Variants in RPH3A observed in about 807,000 individuals in gnomAD.
The protein encoded by RPH3A is rabphilin 3A.
RPH3A carries 48 observed loss-of-function variants against 102.2 expected under a neutral mutation model. The ratio of observed to expected loss-of-function variants is 0.47; its 90% CI spans 0.37 to 0.60. The LOEUF (loss-of-function observed/expected upper bound fraction) is 0.60. RPH3A is among the 20% of genes least tolerant of loss of function. The probability of loss-of-function intolerance (pLI) is 0.00; values close to 1 mark genes in which losing one functional copy is unlikely to be tolerated. For synonymous variants in RPH3A, 310 were observed against 324.3 expected (o/e 0.96, Z 0.47); for missense variants, 781 against 910.1 (o/e 0.86, Z 1.83).
chr12:112,724,563 G>A (rs75104745), intron 1 of RPH3A, among the ~76,000 whole-genome samples: 6,640 of 152,242 alleles, frequency 0.044, 261 homozygotes, highest in South Asian at 0.17. Context: ...CAGGCTCAGC[G>A]ATATCAAATG....
chr12:112,835,101 A>T (rs2042026371), intron 3 of RPH3A, among the ~76,000 whole-genome samples: 1 of 152,164 alleles, frequency 6.6e-6, no homozygotes, highest in South Asian at 2.1e-4. Context: ...TAGTCCACCC[A>T]TATACTCCAC....
intron 1 of RPH3A, among the ~76,000 whole-genome samples, chr12:112,614,391 A>G (rs1447428197): frequency 6.6e-6 from 1 of 151,704 alleles, no homozygotes; most frequent in African/African-American, 2.4e-5. Context: ...TGCATATAAG[A>G]TCCTTTGTGG....
At chr12:112,805,487 A>G (rs1295470576) in intron 2 of RPH3A, among the ~76,000 whole-genome samples, 1 of 152,202 alleles carries the variant, frequency 6.6e-6, no homozygotes, top group Non-Finnish European at 1.5e-5. Context: ...TGCCTGGGAA[A>G]TGGGCTTGAG....
At chr12:112,777,222 T>A (rs1351562290) in intron 1 of RPH3A, among the ~76,000 whole-genome samples, 1 of 152,190 alleles carries the variant, frequency 6.6e-6, no homozygotes, top group African/African-American at 2.4e-5. Context: ...CGAGTCAGGT[T>A]TACAGGAGGC....
intron 1 of RPH3A, among the ~76,000 whole-genome samples, chr12:112,584,902 C>T (rs2039427122): frequency 6.6e-6 from 1 of 152,096 alleles, no homozygotes; most frequent in South Asian, 2.1e-4. Context: ...CTCACACTAT[C>T]ACAAGGTGAA....
intron 5 of RPH3A, among the ~76,000 whole-genome samples, chr12:112,857,399 T>C (rs1230523218): frequency 1.3e-5 from 2 of 152,232 alleles, no homozygotes; most frequent in East Asian, 1.9e-4. Context: ...AATCTTGAGA[T>C]GGGGAGATTA....
chr12:112,895,738 G>C, intron 20 of RPH3A, 39 bp from the exon 21 acceptor site: 1 of 1,450,546 alleles, frequency 6.9e-7, no homozygotes. Flanking sequence ...TGTGGGTTCA[G>C]AGGGCTCTTA....
At chr12:112,631,668 A>G (rs144163231) in intron 1 of RPH3A, among the ~76,000 whole-genome samples, 3 of 151,920 alleles carry the variant, frequency 2.0e-5, no homozygotes, top group Non-Finnish European at 4.4e-5. Flanking sequence ...GACCACAGCT[A>G]TATGCCACCG....
chr12:112,576,909 C>CTTTTTTTTTT lies in RPH3A; in HGVS notation c.-140+1595_-140+1604dup, dbSNP rs3036138. ...TTCTTTTCTTTTTTTTCTTTTCTTC[C>CTTTTTTTTTT]TTTTTTTTTTTTTTGAGATAGAGTC... On this transcript the variant is annotated intron_variant, in intron 1 of 21. Transcript: ENST00000543106. Among the ~76,000 whole-genome samples, 44 of 114,602 alleles carry CTTTTTTTTTT rather than the reference C, an allele frequency of 3.8e-4. 2 individuals carry two copies. Among genetic ancestry groups the CTTTTTTTTTT allele is most frequent in the African/African-American group, 1.4e-3 (39 of 28,010 alleles). 75.2% of individuals were successfully genotyped at this position (114,602 alleles called of 152,430 possible).
At chr12:112,870,465 T>A (rs1193447240) in intron 10 of RPH3A, among the ~76,000 whole-genome samples, 1 of 152,090 alleles carries the variant, frequency 6.6e-6, no homozygotes, top group Non-Finnish European at 1.5e-5. Context: ...AGGATGTCAC[T>A]GACATGTGCT....
At chr12:112,684,496 G>A (rs551812804) in intron 1 of RPH3A, among the ~76,000 whole-genome samples, 2 of 151,946 alleles carry the variant, frequency 1.3e-5, no homozygotes, top group Admixed American at 1.3e-4. Context: ...TCACATTCCT[G>A]ACCTCAAGTG....
At chr12:112,714,686 C>CTCA (rs1003383743) in intron 1 of RPH3A, among the ~76,000 whole-genome samples, 2 of 152,238 alleles carry the variant, frequency 1.3e-5, no homozygotes, top group African/African-American at 4.8e-5. Context: ...TCAGGGCAGA[C>CTCA]TCATAGGTTT....
In RPH3A at chr12:112,867,553, G is replaced by T. The variant is rs138586545; in HGVS notation, c.444+713G>T. 8.1e-4 allele frequency among the ~76,000 whole-genome samples: 123 copies of T among 152,286 alleles called. 1 individual carries two copies. Among genetic ancestry groups the T allele is most frequent in the African/African-American group, 2.7e-3 (114 of 41,564 alleles). On this transcript the variant is annotated intron_variant, in intron 7 of 21. Coordinates refer to ENST00000389385, the MANE Select transcript of RPH3A (RefSeq NM_001143854.2). ...GACAAAGGTCCGGGCAGAACTAAGAGGAATCAGCAAGGGTTGGCGAGTCAC... is the reference window on the plus strand; with the variant it reads ...GACAAAGGTCCGGGCAGAACTAAGATGAATCAGCAAGGGTTGGCGAGTCAC...
chr12:112,668,968 T>A lies in RPH3A; in HGVS notation c.-140+93649T>A, dbSNP rs183980367. Among the ~76,000 whole-genome samples the A allele has an allele frequency of 2.2e-4, 34 of 152,280 alleles. 1 individual carries two copies. The highest frequency in any genetic ancestry group is 8.2e-4 in the African/African-American group (34 of 41,558). ...ATGGATTTACATGCAGACATTTGTC[T>A]CCCCTACAGCTTCATGAGCAATGAA... On this transcript the variant is annotated intron_variant, in intron 1 of 21. Transcript: ENST00000543106.
chr12:112,621,502 G>T (rs551289364), intron 1 of RPH3A, among the ~76,000 whole-genome samples: 3 of 147,406 alleles, frequency 2.0e-5, no homozygotes, highest in Admixed American at 6.7e-5. Flanking sequence ...TTTCAGACCG[G>T]CTTAAAAAAC....
chr12:112,587,965 A>C (rs942787124), intron 1 of RPH3A, among the ~76,000 whole-genome samples: 2 of 152,154 alleles, frequency 1.3e-5, no homozygotes, highest in Non-Finnish European at 2.9e-5. Flanking sequence ...TCAAAAATCT[A>C]GATTATAATC....
At chr12:112,694,551 AAGAG>A (rs1055983413) in intron 1 of RPH3A, among the ~76,000 whole-genome samples, 5 of 150,168 alleles carry the variant, frequency 3.3e-5, no homozygotes, top group East Asian at 2.0e-4. Flanking sequence ...GGCGGGGAAA[AAGAG>A]AGAGAGAGAG....
At chr12:112,745,568 T>C (rs773623953) in intron 1 of RPH3A, among the ~76,000 whole-genome samples, 1 of 152,228 alleles carries the variant, frequency 6.6e-6, no homozygotes, top group South Asian at 2.1e-4. Flanking sequence ...TTAAAATCCA[T>C]GTAAGCTGAT....
chr12:112,713,746 A>T (rs2040496390), intron 1 of RPH3A, among the ~76,000 whole-genome samples: 1 of 152,160 alleles, frequency 6.6e-6, no homozygotes, highest in Non-Finnish European at 1.5e-5. Context: ...TAAAGGGGAG[A>T]GGCACCCAAT....
Sources: gnomAD v4.1 joint callset for allele counts (sites outside exome capture counted in the v4.1 genomes callset) on GRCh38, gnomAD v4.1.1 for gene constraint, MANE v1.5 for transcripts, NCBI Gene and HGNC (gene_info 2026-07-23, HGNC 2026-07-21) for gene names.